CENPP: variants seen among roughly 807,000 people sequenced by gnomAD.
CENPP encodes centromere protein P.
A neutral mutation model predicts 35.6 loss-of-function variants in CENPP; 24 were observed. That is an observed-to-expected ratio of 0.67 (90% CI 0.49 to 0.95). The LOEUF is 0.95. CENPP is among the 40% of genes least tolerant of loss of function. CENPP has a pLI of 0.00. For missense variants in CENPP, 332 were observed against 345.3 expected, an observed-to-expected ratio of 0.96 and a Z score of 0.31; for synonymous variants, 120 against 125.5, an observed-to-expected ratio of 0.96 and a Z score of 0.29.
chr9:92,609,717 C>T (rs1851183249), intron 5 of CENPP, among the ~76,000 whole-genome samples: 3 of 152,246 alleles, frequency 2.0e-5, no homozygotes. Flanking sequence ...CAAGAGCAGA[C>T]AAAAAGACAT....
intron 5 of CENPP, among the ~76,000 whole-genome samples, chr9:92,455,534 G>A (rs1235655846): frequency 6.6e-6 from 1 of 152,052 alleles, no homozygotes; most frequent in East Asian, 1.9e-4. Flanking sequence ...AAAATGTCAA[G>A]GGAGCCAAAG....
chr9:92,434,067 A>G (rs1212838851), intron 5 of CENPP, among the ~76,000 whole-genome samples: 1 of 152,190 alleles, frequency 6.6e-6, no homozygotes, highest in African/African-American at 2.4e-5. Flanking sequence ...GTCAGTATAC[A>G]AAAATCCATT....
intron 5 of CENPP, among the ~76,000 whole-genome samples, chr9:92,489,578 G>T (rs1037596797): frequency 6.6e-6 from 1 of 152,044 alleles, no homozygotes; most frequent in Non-Finnish European, 1.5e-5. Flanking sequence ...GAATCACACA[G>T]ATCAAACTTA....
intron 5 of CENPP, among the ~76,000 whole-genome samples, chr9:92,603,036 G>A (rs533131643): frequency 2.2e-4 from 33 of 152,204 alleles, no homozygotes; most frequent in African/African-American, 7.2e-4. Flanking sequence ...TGATCCGCTC[G>A]CCTTGGCCTC....
chr9:92,533,325 AAAAATATATATATATATATATATAT>A (rs1848954535), intron 5 of CENPP, among the ~76,000 whole-genome samples: 1 of 93,132 alleles, frequency 1.1e-5, no homozygotes, highest in African/African-American at 4.2e-5. Flanking sequence ...AAAAAAAAAA[AAAAATATATATATATATATATATAT>A]ATATATATGC....
rs1851585660 is a variant in CENPP, at chr9:92,620,244, A to C, written c.*7095A>C. 1 of 154,678 alleles carries C rather than the reference A, an allele frequency of 6.5e-6. No homozygotes were observed. The highest frequency in any genetic ancestry group is 2.0e-4 in the South Asian group (1 of 4,994). 9.6% of individuals were successfully genotyped at this position (154,678 alleles called of 1,614,324 possible). On this transcript the variant is annotated 3_prime_UTR_variant, in exon 8 of 8. Transcript: ENST00000375587. ...CTGGCTCTGACATTTACACTCTTCA[A>C]CACATGCTCCAAGCTATGTGGGTCT...
intron 3 of CENPP, among the ~76,000 whole-genome samples, chr9:92,343,014 T>C (rs1437509678): frequency 2.6e-5 from 4 of 152,230 alleles, no homozygotes. Flanking sequence ...TTGTGTGTTC[T>C]AAAACATTTT....
At chr9:92,365,866 A>G (rs1292002254) in intron 4 of CENPP, among the ~76,000 whole-genome samples, 2 of 151,918 alleles carry the variant, frequency 1.3e-5, no homozygotes, top group African/African-American at 4.8e-5. Flanking sequence ...TATCTGCAAA[A>G]TGAAAGAACT....
chr9:92,393,236 TG>T, intron 5 of CENPP: 1 of 1,569,626 alleles, frequency 6.4e-7, no homozygotes, highest in Non-Finnish European at 8.6e-7. Flanking sequence ...AGCAGACACG[TG>T]GGCATTTCTA....
Position 92,554,645 on chromosome 9 carries a change from T to C in CENPP, c.565-56669T>C, listed in dbSNP as rs372650006. 1.6e-4 allele frequency among the ~76,000 whole-genome samples: 24 copies of C among 152,246 alleles called. No individual in the cohort carries two copies. In the East Asian group the frequency reaches 3.9e-3, roughly 25 times the overall value. On this transcript the variant is annotated intron_variant, in intron 5 of 7. Coordinates refer to ENST00000375587, the MANE Select transcript of CENPP (RefSeq NM_001012267.3). ...GTACTTTGTGCTTTTTTGTTTTGTT[T>C]TGTTTTTTCCGAGATGGAGTCTTGA... is the stretch of plus-strand genomic sequence containing the variant.
rs564562330 is a variant in CENPP, at chr9:92,608,113, C to A, written c.565-3201C>A. Among the ~76,000 whole-genome samples the A allele has an allele frequency of 3.9e-5, 6 of 152,304 alleles. No homozygotes were observed. The South Asian group carries it at 1.2e-3, about 32-fold the overall frequency. ...CTCCCAACAGCCACCCCTATATCACCACCTTCCTGACAATATCCATGGAAG... is the reference window on the plus strand; with the variant it reads ...CTCCCAACAGCCACCCCTATATCACAACCTTCCTGACAATATCCATGGAAG... On this transcript the variant is annotated intron_variant, in intron 5 of 7. Transcript: ENST00000375587.
At position 92,538,415 on chromosome 9, in the gene CENPP, G is replaced by A. The variant is rs1849239955; in HGVS notation, c.565-72899G>A. Among the ~76,000 whole-genome samples, 4 of 152,268 alleles carry A rather than the reference G, an allele frequency of 2.6e-5. No homozygotes were observed. The East Asian group carries it at 7.7e-4, about 29-fold the overall frequency. On this transcript the variant is annotated intron_variant, in intron 5 of 7. Coordinates refer to ENST00000375587, the MANE Select transcript of CENPP (RefSeq NM_001012267.3). The stretch of plus-strand genomic sequence containing the variant: ...ACAAAATATTAACAGTAATTACAGC[G>A]AGACTTTTACTATGTTCTTTTATAT...
chr9:92,334,829 G>A (rs1840872084), intron 2 of CENPP, among the ~76,000 whole-genome samples: 1 of 151,520 alleles, frequency 6.6e-6, no homozygotes, highest in African/African-American at 2.4e-5. Context: ...GCAGTGAGCT[G>A]AGATTGCACC....
At position 92,418,357 on chromosome 9, in the gene CENPP, G is replaced by A. The variant is rs1352490184; in HGVS notation, c.564+38498G>A. ...CCACCTCAGCCTCTCAAAGTGCTGG[G>A]ATTACAGGCGTGAGCCACTGCGCCT... is the stretch of plus-strand genomic sequence containing the variant. On this transcript the variant is annotated intron_variant, in intron 5 of 7. Coordinates refer to ENST00000375587, the MANE Select transcript of CENPP (RefSeq NM_001012267.3). Among the ~76,000 whole-genome samples, 7 of 151,780 alleles carry A rather than the reference G, an allele frequency of 4.6e-5. No homozygotes were observed. The East Asian group carries it at 1.2e-3, about 25-fold the overall frequency.
At chr9:92,373,820 A>G (rs1842063741) in intron 4 of CENPP, among the ~76,000 whole-genome samples, 1 of 152,134 alleles carries the variant, frequency 6.6e-6, no homozygotes. Flanking sequence ...GTAAGACTCC[A>G]TCTCAAAAAA....
chr9:92,472,423 GC>G (rs1286345380), intron 5 of CENPP, among the ~76,000 whole-genome samples: 1 of 151,934 alleles, frequency 6.6e-6, no homozygotes, highest in Non-Finnish European at 1.5e-5. Flanking sequence ...ACTTTCGGAG[GC>G]CGAGTCGGGT....
intron 5 of CENPP, among the ~76,000 whole-genome samples, chr9:92,568,257 C>A (rs897320227): frequency 1.3e-5 from 2 of 151,998 alleles, no homozygotes; most frequent in African/African-American, 4.8e-5. Context: ...CACAACAGGC[C>A]CCAGTGTGTG....
At chr9:92,583,419 T>C (rs1048320323) in intron 5 of CENPP, among the ~76,000 whole-genome samples, 3 of 152,252 alleles carry the variant, frequency 2.0e-5, no homozygotes, top group Non-Finnish European at 4.4e-5. Context: ...GCTTTGTACC[T>C]ATTAATCTGT....
intron 5 of CENPP, among the ~76,000 whole-genome samples, chr9:92,465,836 C>CTT (rs771611786): frequency 2.1e-5 from 3 of 141,328 alleles, no homozygotes; most frequent in Non-Finnish European, 3.1e-5. Context: ...AAAGGAGGTT[C>CTT]TTTTTTTTTT....
Sources: gnomAD v4.1 joint callset for allele counts (sites outside exome capture counted in the v4.1 genomes callset) on GRCh38, gnomAD v4.1.1 for gene constraint, MANE v1.5 for transcripts, NCBI Gene and HGNC (gene_info 2026-07-23, HGNC 2026-07-21) for gene names.